Variants in ZNF565 observed in about 807,000 individuals in gnomAD.
ZNF565 encodes the protein zinc finger protein 565.
A neutral mutation model predicts 39.4 loss-of-function variants in ZNF565; 27 were observed. The observed-to-expected ratio is 0.69, with a 90% CI of 0.51 to 0.95. The LOEUF is 0.95. Ranked by LOEUF, ZNF565 falls within the 40% of genes least tolerant of loss-of-function variation. ZNF565 has a pLI of 0.00. For missense variants in ZNF565, 524 were observed against 621.1 expected, an observed-to-expected ratio of 0.84 and a Z score of 1.66; for synonymous variants, 185 against 216.6, an observed-to-expected ratio of 0.85 and a Z score of 1.28.
chr19:36,186,102 T>C (rs1231406866), intron 4 of ZNF565, among the ~76,000 whole-genome samples: 1 of 152,008 alleles, frequency 6.6e-6, no homozygotes, highest in Non-Finnish European at 1.5e-5. Context: ...GTTCAAGCGA[T>C]TCTCCTGCCT....
chr19:36,222,839 T>G (rs1976909308), intron 1 of ZNF565, among the ~76,000 whole-genome samples: 1 of 136,558 alleles, frequency 7.3e-6, no homozygotes. Flanking sequence ...CAGTGGTTTC[T>G]TTTTTTTTTA....
intron 1 of ZNF565, among the ~76,000 whole-genome samples, chr19:36,241,132 G>T (rs937499968): frequency 6.6e-6 from 1 of 152,186 alleles, no homozygotes; most frequent in Non-Finnish European, 1.5e-5. Flanking sequence ...TTGATACACT[G>T]TGGGCAACTG....
chr19:36,230,905 G>A (rs1470482840), intron 1 of ZNF565, among the ~76,000 whole-genome samples: 3 of 152,044 alleles, frequency 2.0e-5, no homozygotes, highest in Non-Finnish European at 4.4e-5. Context: ...AGGTTCAAGC[G>A]ATTCTCCTGC....
At chr19:36,201,895 A>T in intron 2 of ZNF565, 82 bp downstream of exon 2, 1 of 1,509,420 alleles carries the variant, frequency 6.6e-7, no homozygotes, top group East Asian at 2.3e-5. Context: ...GATACAGGGA[A>T]GTTCCAGGAT....
At chr19:36,240,776 G>A (rs896200950) in intron 1 of ZNF565, among the ~76,000 whole-genome samples, 2 of 152,018 alleles carry the variant, frequency 1.3e-5, no homozygotes, top group Non-Finnish European at 2.9e-5. Context: ...GGCTGAGGCA[G>A]GAGAATTGCT....
At chr19:36,226,711 A>G (rs981588358) in intron 1 of ZNF565, among the ~76,000 whole-genome samples, 1 of 152,198 alleles carries the variant, frequency 6.6e-6, no homozygotes, top group Admixed American at 6.5e-5. Flanking sequence ...GAAGTTTAAC[A>G]TTGATACATT....
intron 1 of ZNF565, among the ~76,000 whole-genome samples, chr19:36,226,061 C>T (rs1230870199): frequency 1.3e-5 from 2 of 152,152 alleles, no homozygotes; most frequent in African/African-American, 2.4e-5. Context: ...TGAGCCACTG[C>T]GTCCAGCCCA....
intron 1 of ZNF565, chr19:36,228,911 A>G (rs572073962): frequency 3.9e-5 from 6 of 152,220 alleles, no homozygotes; most frequent in Non-Finnish European, 8.8e-5. Flanking sequence ...CTGTAGACAT[A>G]TAGAGTATTG....
chr19:36,220,605 A>C (rs1976795317), intron 1 of ZNF565, among the ~76,000 whole-genome samples: 1 of 152,160 alleles, frequency 6.6e-6, no homozygotes, highest in Non-Finnish European at 1.5e-5. Context: ...ACCTCAGGTG[A>C]TCTGCCCACC....
Position 36,195,082 on chromosome 19 carries a change from C to A in ZNF565, c.84G>T (p.Arg28Ser), listed in dbSNP as rs142434832. Residue 28 changes from arginine (R) to serine (S), a missense_variant, in exon 3 of 5, where the codon AGG becomes AGT. By Grantham distance (110) the Arg-to-Ser change is moderately radical. Transcript: ENST00000304116. ...CCAGAGTCACCTCCCTGTACAAGTC[C>A]CTCTGAGCAGGTTCCAGGCACTTCC... ...EEWKCLEPAQ[R>S]DLYREVTLEN... The A allele has an allele frequency of 1.2e-6, 2 of 1,614,026 alleles. No individual in the cohort carries two copies. Among genetic ancestry groups the A allele is most frequent in the East Asian group, 2.2e-5 (1 of 44,900 alleles).
intron 1 of ZNF565, among the ~76,000 whole-genome samples, chr19:36,207,510 G>T (rs1976197906): frequency 6.6e-6 from 1 of 151,310 alleles, no homozygotes; most frequent in African/African-American, 2.4e-5. Context: ...ACTGACACCA[G>T]CCTGGGTGAC....
intron 1 of ZNF565, among the ~76,000 whole-genome samples, chr19:36,240,843 C>T (rs529553928): frequency 6.6e-6 from 1 of 150,910 alleles, no homozygotes; most frequent in Non-Finnish European, 1.5e-5. Flanking sequence ...GCACTCCAGC[C>T]TGGGAGACAG....
intron 3 of ZNF565, 44 bp from the exon 4 acceptor site, chr19:36,194,372 A>G (rs369275402): frequency 2.4e-5 from 36 of 1,484,878 alleles, no homozygotes; most frequent in East Asian, 1.6e-4. Flanking sequence ...ACCGCTCCAA[A>G]ATCCAAACCC....
At chr19:36,184,734 T>A (rs1975227340) in intron 4 of ZNF565, among the ~76,000 whole-genome samples, 1 of 152,322 alleles carries the variant, frequency 6.6e-6, no homozygotes, top group African/African-American at 2.4e-5. Flanking sequence ...ATCTATATTT[T>A]CAACACTTCC....
At chr19:36,208,393 T>C (rs1434498714) in intron 1 of ZNF565, among the ~76,000 whole-genome samples, 6 of 151,736 alleles carry the variant, frequency 4.0e-5, no homozygotes, top group Non-Finnish European at 8.8e-5. Context: ...AAAGACAGGG[T>C]CTCAATATGT....
At chr19:36,218,841 G>C (rs184573286), upstream of ZNF565, among the ~76,000 whole-genome samples, 153 of 140,012 alleles carry the variant, frequency 1.1e-3, no homozygotes, top group Admixed American at 2.2e-3. Context: ...CAGAGTCTCG[G>C]TTTGTCGCCC....
chr19:36,226,782 A>G (rs953502988), intron 1 of ZNF565, among the ~76,000 whole-genome samples: 3 of 152,194 alleles, frequency 2.0e-5, no homozygotes, highest in Non-Finnish European at 2.9e-5. Context: ...AATGTCTGCT[A>G]TTGATTAAAA....
At chr19:36,195,769 C>T (rs1335526222) in intron 2 of ZNF565, among the ~76,000 whole-genome samples, 4 of 147,608 alleles carry the variant, frequency 2.7e-5, no homozygotes, top group African/African-American at 1.0e-4. Context: ...TGGTCTCGAT[C>T]TCCTGACCTC....
intron 2 of ZNF565, among the ~76,000 whole-genome samples, chr19:36,200,388 C>T (rs904855034): frequency 4.6e-5 from 7 of 151,934 alleles, no homozygotes; most frequent in African/African-American, 1.2e-4. Flanking sequence ...CAGTAACATA[C>T]ATTTTATGAA....
Sources: gnomAD v4.1 joint callset for allele counts (sites outside exome capture counted in the v4.1 genomes callset) on GRCh38, gnomAD v4.1.1 for gene constraint, MANE v1.5 for transcripts, NCBI Gene and HGNC (gene_info 2026-07-23, HGNC 2026-07-21) for gene names.